The following DHX29 variants were observed in gnomAD, a reference collection of about 807,000 sequenced individuals.
The protein encoded by DHX29 is ATP-dependent RNA helicase DHX29.
A neutral mutation model predicts 167.9 loss-of-function variants in DHX29; 79 were observed. The ratio of observed to expected loss-of-function variants is 0.47; its 90% CI spans 0.39 to 0.57. DHX29 has a LOEUF of 0.57. Ranked by LOEUF, DHX29 falls within the 20% of genes least tolerant of loss-of-function variation. DHX29 has a pLI of 0.00. For missense variants in DHX29, 1,347 were observed against 1,593.4 expected (o/e 0.85, Z 2.63); for synonymous variants, 530 against 546.0 (o/e 0.97, Z 0.41).
intron 1 of DHX29, among the ~76,000 whole-genome samples, chr5:55,306,330 G>A (rs916467414): frequency 6.6e-6 from 1 of 151,862 alleles, no homozygotes; most frequent in Non-Finnish European, 1.5e-5. Flanking sequence ...TGTTCATTAC[G>A]CCCGCCTGGA....
chr5:55,277,677 G>A (rs898037246), intron 12 of DHX29, among the ~76,000 whole-genome samples: 11 of 152,134 alleles, frequency 7.2e-5, no homozygotes, highest in Admixed American at 5.2e-4. Flanking sequence ...AGGCCGACGC[G>A]GGCGGATAAC....
At chr5:55,296,140 T>C in intron 4 of DHX29, 80 bp downstream of exon 4, 1 of 1,406,952 alleles carries the variant, frequency 7.1e-7, no homozygotes, top group African/African-American at 1.5e-5. Context: ...AAAATATGAG[T>C]ATGAGCCAAA....
chr5:55,304,233 C>T (rs967225102), intron 1 of DHX29, among the ~76,000 whole-genome samples: 1 of 151,980 alleles, frequency 6.6e-6, no homozygotes, highest in Non-Finnish European at 1.5e-5. Context: ...CCTTTCTGTT[C>T]CCTCTCCCCA....
At chr5:55,299,063 T>G (rs1443344749) in intron 1 of DHX29, among the ~76,000 whole-genome samples, 1 of 145,540 alleles carries the variant, frequency 6.9e-6, no homozygotes, top group Non-Finnish European at 1.5e-5. Flanking sequence ...AAAAAAAGAA[T>G]GCTAAATATT....
In DHX29 at chr5:55,262,886, G is replaced by A; in HGVS notation, c.3572C>T (p.Ser1191Leu). The change falls in exon 24 of 27, where the codon TCA becomes TTA. Residue 1191 changes from serine to leucine, a missense_variant. Ser to Leu is a moderately radical substitution (Grantham distance 145, BLOSUM62 -2). This residue lies in a region of DHX29 where 882 missense variants were observed against 1,082.4 expected (regional missense o/e 0.81). Transcript: ENST00000251636. ...LIKLVKAAGF[S>L]SSTTSTSWEG... ...CCAGCTGGTAGAAGTTGTGGAAGATGAAAATCCTGCTGCCTTAACCAACTT... is the reference window on the plus strand; with the variant it reads ...CCAGCTGGTAGAAGTTGTGGAAGATAAAAATCCTGCTGCCTTAACCAACTT... 2 of 1,613,994 alleles carry A rather than the reference G, an allele frequency of 1.2e-6. No homozygotes were observed. Among genetic ancestry groups the A allele is most frequent in the Non-Finnish European group, 1.7e-6 (2 of 1,179,930 alleles).
In DHX29 at chr5:55,276,367, C is replaced by T; in HGVS notation, c.2326G>A (p.Val776Ile). 1 of 1,601,010 alleles carries T rather than the reference C, an allele frequency of 6.2e-7. No homozygotes were observed. Among genetic ancestry groups the T allele is most frequent in the Non-Finnish European group, 8.5e-7 (1 of 1,175,326 alleles). Residue 776 changes from valine to isoleucine, a missense_variant, in exon 14 of 27, where the codon GTA becomes ATA. Val to Ile is a conservative substitution (Grantham distance 29). This residue lies in a region of DHX29 where 882 missense variants were observed against 1,082.4 expected (regional missense o/e 0.81). Transcript: ENST00000251636. ...CAATATTCTGAGTCTTTTTCCAGTA[C>T]AAAGCCTGTTTCTTCTATTATATCT... ...LEDIIEETGF[V>I]LEKDSEYCQK...
intron 1 of DHX29, among the ~76,000 whole-genome samples, chr5:55,302,292 A>C (rs1748643659): frequency 6.6e-6 from 1 of 152,184 alleles, no homozygotes; most frequent in Admixed American, 6.5e-5. Flanking sequence ...ACACATCAAG[A>C]GGCCCCAGCT....
intron 4 of DHX29, among the ~76,000 whole-genome samples, 157 bp downstream of exon 4, chr5:55,296,063 T>G (rs1748303772): frequency 6.6e-6 from 1 of 152,186 alleles, no homozygotes; most frequent in African/African-American, 2.4e-5. Flanking sequence ...CCACAATCTC[T>G]AAGGAAAATA....
chr5:55,303,146 C>A (rs1475467960), intron 1 of DHX29, among the ~76,000 whole-genome samples: 1 of 151,774 alleles, frequency 6.6e-6, no homozygotes, highest in Non-Finnish European at 1.5e-5. Context: ...TTTCTTATTG[C>A]CCAATAATCT....
intron 21 of DHX29, among the ~76,000 whole-genome samples, chr5:55,268,698 T>C (rs959249481): frequency 9.2e-5 from 14 of 151,804 alleles, no homozygotes; most frequent in African/African-American, 3.2e-4. Flanking sequence ...AGGCCATAGC[T>C]TGATAAAGTT....
At position 55,296,366 on chromosome 5, in the gene DHX29, T is replaced by C. The variant is rs1561167932; in HGVS notation, c.376-17A>G. The stretch of plus-strand genomic sequence containing the variant: ...GTATAAATCCTATGACAAGCAAATA[T>C]AAAAAAAGTCACATTTGTCAAAGTT... On this transcript the variant is annotated splice_polypyrimidine_tract_variant and intron_variant, in intron 3 of 26. Coordinates refer to ENST00000251636, the MANE Select transcript of DHX29 (RefSeq NM_019030.4). 3.1e-6 allele frequency: 5 copies of C among 1,602,478 alleles called. No homozygotes were observed. The highest frequency in any genetic ancestry group is 2.2e-5 in the East Asian group (1 of 44,602).
rs140320581 is a variant in DHX29 at position 55,294,104 on chromosome 5, C to T, written c.693G>A (p.Glu231=). ...GTTGTTCAGCATATCGTAAAATCCACTCTTTCATATTTACTTCCATATTTT... is the reference window on the plus strand; with the variant it reads ...GTTGTTCAGCATATCGTAAAATCCATTCTTTCATATTTACTTCCATATTTT... The part of the protein sequence containing the change: ...EEKNMEVNMK[E]WILRYAEQQN... Residue 231 remains glutamate, a synonymous_variant, in exon 6 of 27, where the codon GAG becomes GAA. Transcript: ENST00000251636. 90 of 1,604,460 alleles carry T rather than the reference C, an allele frequency of 5.6e-5. No homozygotes were observed. The African/African-American group carries it at 1.1e-3, about 19-fold the overall frequency.
chr5:55,274,638 T>A lies in DHX29; in HGVS notation c.2666A>T (p.Asn889Ile). The change falls in exon 16 of 27, where the codon AAT becomes ATT. Residue 889 changes from asparagine (N) to isoleucine (I), a missense_variant. Transcript: ENST00000251636. ...CCGTTCAGAATAAAATCTTCTATCA[T>A]TTGATAGAAGATCATACAACTGCTG... ...HIQQLYDLLSNDRRFYSERYK... is the reference protein window; with the variant it reads ...HIQQLYDLLSIDRRFYSERYK... 2.5e-6 allele frequency: 4 copies of A among 1,594,116 alleles called. No individual in the cohort carries two copies. Among genetic ancestry groups the A allele is most frequent in the Non-Finnish European group, 2.6e-6 (3 of 1,169,660 alleles).
chr5:55,273,370 C>G lies in DHX29; in HGVS notation c.2698G>C (p.Val900Leu). Residue 900 changes from valine to leucine, a missense_variant, in exon 17 of 27, where the codon GTG becomes CTG. This residue lies in a region of DHX29 where 882 missense variants were observed against 1,082.4 expected (regional missense o/e 0.81). Coordinates refer to ENST00000251636, the MANE Select transcript of DHX29 (RefSeq NM_019030.4). Reference sequence around the variant, plus strand: ...GAAAGAATAGAATGCAGAGCTATCACTTTATATCTGAAAGTTAAAATCATA... The same window carrying G: ...GAAAGAATAGAATGCAGAGCTATCAGTTTATATCTGAAAGTTAAAATCATA... ...DRRFYSERYK[V>L]IALHSILSTQ... is the part of the protein sequence containing the mutation. The G allele has an allele frequency of 1.9e-6, 3 of 1,569,156 alleles. No homozygotes were observed. Among genetic ancestry groups the G allele is most frequent in the Non-Finnish European group, 2.6e-6 (3 of 1,151,364 alleles).
chr5:55,296,498 T>C (rs1489301093), intron 3 of DHX29, 149 bp from the exon 4 acceptor site: 2 of 1,082,966 alleles, frequency 1.8e-6, no homozygotes, highest in Admixed American at 3.5e-5. Context: ...GAAATGTGTT[T>C]ACTGAATTAA....
chr5:55,299,598 T>C (rs1748501225), intron 1 of DHX29, among the ~76,000 whole-genome samples: 1 of 152,166 alleles, frequency 6.6e-6, no homozygotes. Flanking sequence ...TCCTTCCCCC[T>C]TCCAGCTTCT....
chr5:55,287,101 G>C (rs957543038), intron 8 of DHX29, among the ~76,000 whole-genome samples: 1 of 152,142 alleles, frequency 6.6e-6, no homozygotes, highest in Admixed American at 6.5e-5. Context: ...CTGTACACTT[G>C]GAAAAGGCAG....
chr5:55,286,832 T>G (rs934074253), intron 8 of DHX29, among the ~76,000 whole-genome samples: 3 of 152,208 alleles, frequency 2.0e-5, no homozygotes, highest in Non-Finnish European at 1.5e-5. Context: ...TCATTGAAAA[T>G]TCTGTTGAAT....
In DHX29 at chr5:55,269,546, C is replaced by T. The variant is rs1276503448; in HGVS notation, c.3161G>A (p.Arg1054Gln). 3.7e-6 allele frequency: 6 copies of T among 1,614,026 alleles called. No homozygotes were observed. The highest frequency in any genetic ancestry group is 2.2e-5 in the South Asian group (2 of 91,078). ...ATTTAATTCACAAGCTCCAATTTTTCGGAGCAAATTCATTGCATTGCTGAT... is the reference window on the plus strand; with the variant it reads ...ATTTAATTCACAAGCTCCAATTTTTTGGAGCAAATTCATTGCATTGCTGAT... ...QVISNAMNLL[R>Q]KIGACELNEP... is the part of the protein sequence containing the mutation. Residue 1054 changes from arginine (R) to glutamine (Q), a missense_variant, in exon 21 of 27, where the codon CGA (arginine) becomes CAA (glutamine). By Grantham distance (43) the Arg-to-Gln change is conservative. Coordinates refer to ENST00000251636, the MANE Select transcript of DHX29 (RefSeq NM_019030.4).
Sources: allele counts gnomAD v4.1 joint callset (sites outside exome capture counted in the v4.1 genomes callset), GRCh38; gene constraint gnomAD v4.1.1; regional missense constraint gnomAD v4.1.1; transcripts MANE v1.5; gene names NCBI Gene and HGNC (gene_info 2026-07-23, HGNC 2026-07-21).